TAFA1: variants seen among roughly 807,000 people sequenced by gnomAD.
TAFA1 encodes chemokine-like protein TAFA-1.
TAFA1 carries 4 observed loss-of-function variants against 18.5 expected under a neutral mutation model. The observed-to-expected ratio is 0.22, with a 90% CI of 0.11 to 0.49. The LOEUF (loss-of-function observed/expected upper bound fraction) is 0.49, where lower values mean the gene tolerates loss of function less well. TAFA1 is among the 20% of genes least tolerant of loss of function. TAFA1 has a pLI of 0.98. For missense variants in TAFA1, 147 were observed against 169.0 expected (o/e 0.87, Z 0.72); for synonymous variants, 56 against 55.2 (o/e 1.01, Z -0.06).
rs568261977 is a variant in TAFA1 at position 68,536,474 on chromosome 3, G to C, written c.260-2282G>C. ...TGGAGGGGAGTGAGTAAAGAACGAG[G>C]GTTCTCGTCCCGTGTAAAAACAGCC... On this transcript the variant is annotated intron_variant, in intron 3 of 4. Coordinates refer to ENST00000478136, the MANE Select transcript of TAFA1 (RefSeq NM_213609.4). 3.9e-5 allele frequency among the ~76,000 whole-genome samples: 6 copies of C among 152,254 alleles called. No homozygotes were observed. In the East Asian group the frequency reaches 1.2e-3, roughly 29 times the overall value.
At chr3:68,478,500 C>A (rs890134905) in intron 3 of TAFA1, among the ~76,000 whole-genome samples, 3 of 152,134 alleles carry the variant, frequency 2.0e-5, no homozygotes, top group African/African-American at 7.2e-5. Flanking sequence ...TATTTATTCA[C>A]CTTCCATAAG....
At chr3:68,176,118 C>T (rs139644776) in intron 2 of TAFA1, among the ~76,000 whole-genome samples, 18 of 152,318 alleles carry the variant, frequency 1.2e-4, no homozygotes, top group Admixed American at 1.1e-3. Context: ...ATTCATTGAA[C>T]CTTTTTTTCT....
intron 2 of TAFA1, among the ~76,000 whole-genome samples, chr3:68,076,436 T>A (rs1365485128): frequency 6.7e-6 from 1 of 150,172 alleles, no homozygotes; most frequent in Non-Finnish European, 1.5e-5. Context: ...TAGGTATATC[T>A]CCCAATGCTA....
rs930575985 is a variant in TAFA1 at position 68,544,921 on chromosome 3, T to C, written c.*418T>C. Reference sequence around the variant, plus strand: ...CCCTTTGAGTTTTGGATGTTTTGTCTGTTTTGCTTTGTTTTGTTAGTCATT... The same window carrying C: ...CCCTTTGAGTTTTGGATGTTTTGTCCGTTTTGCTTTGTTTTGTTAGTCATT... On this transcript the variant is annotated 3_prime_UTR_variant, in exon 5 of 5. Transcript: ENST00000478136. The C allele has an allele frequency of 5.9e-5, 9 of 152,294 alleles. No homozygotes were observed. The highest frequency in any genetic ancestry group is 2.2e-4 in the African/African-American group (9 of 41,556). 9.4% of individuals were successfully genotyped at this position (152,294 alleles called of 1,614,324 possible).
intron 2 of TAFA1, among the ~76,000 whole-genome samples, chr3:68,335,817 A>C (rs1345579422): frequency 6.6e-6 from 1 of 152,232 alleles, no homozygotes; most frequent in South Asian, 2.1e-4. Context: ...CCCTTAGAAA[A>C]GAAGAAAATC....
intron 3 of TAFA1, among the ~76,000 whole-genome samples, chr3:68,464,008 C>A (rs2071834941): frequency 6.6e-6 from 1 of 151,802 alleles, no homozygotes; most frequent in Non-Finnish European, 1.5e-5. Context: ...TTTATAGGAC[C>A]CTTTATAGAT....
intron 2 of TAFA1, among the ~76,000 whole-genome samples, chr3:68,279,561 A>G (rs2067860481): frequency 6.6e-6 from 1 of 152,184 alleles, no homozygotes; most frequent in Admixed American, 6.5e-5. Context: ...AATAATACAT[A>G]GTCACTACTA....
chr3:68,349,676 C>T (rs980969131), intron 2 of TAFA1, among the ~76,000 whole-genome samples: 4 of 152,030 alleles, frequency 2.6e-5, no homozygotes, highest in Non-Finnish European at 2.9e-5. Flanking sequence ...ACTCTGCCAT[C>T]GTGGGGAGAA....
chr3:68,001,189 G>C (rs555049004), upstream of TAFA1, among the ~76,000 whole-genome samples: 1 of 152,104 alleles, frequency 6.6e-6, no homozygotes, highest in Non-Finnish European at 1.5e-5. Context: ...CCTAAAAGGA[G>C]AATAAAGAAT....
intron 2 of TAFA1, among the ~76,000 whole-genome samples, chr3:68,129,402 C>A (rs920133381): frequency 4.6e-5 from 7 of 152,188 alleles, no homozygotes; most frequent in African/African-American, 1.7e-4. Context: ...GTTGGATGAA[C>A]TACTGCAAGA....
Position 68,220,941 on chromosome 3 carries a change from A to C in TAFA1, c.119-196339A>C, listed in dbSNP as rs189017404. ...CCTCTGAGGATTGGCTGTGATCTCCATCAAGACCTGGCTGAACTGGGTTGC... is the reference window on the plus strand; with the variant it reads ...CCTCTGAGGATTGGCTGTGATCTCCCTCAAGACCTGGCTGAACTGGGTTGC... On this transcript the variant is annotated intron_variant, in intron 2 of 4. Transcript: ENST00000478136. Among the ~76,000 whole-genome samples the C allele has an allele frequency of 1.7e-3, 266 of 152,198 alleles. 2 individuals are homozygous for C. Among genetic ancestry groups the C allele is most frequent in the African/African-American group, 6.2e-3 (256 of 41,544 alleles).
At chr3:68,314,795 A>G (rs1390187880) in intron 2 of TAFA1, among the ~76,000 whole-genome samples, 1 of 152,022 alleles carries the variant, frequency 6.6e-6, no homozygotes, top group Non-Finnish European at 1.5e-5. Flanking sequence ...AGGACGAAAA[A>G]GATCATAAAT....
chr3:68,005,113 T>G (rs528631263), intron 1 of TAFA1, among the ~76,000 whole-genome samples: 1 of 152,236 alleles, frequency 6.6e-6, no homozygotes, highest in South Asian at 2.1e-4. Context: ...GTCACCTCTG[T>G]TTTGTCTTTC....
chr3:68,342,372 G>A (rs2069099681), intron 2 of TAFA1, among the ~76,000 whole-genome samples: 1 of 152,190 alleles, frequency 6.6e-6, no homozygotes. Context: ...CTTCTGGGGA[G>A]TTTCTTTAAT....
chr3:68,093,677 C>T (rs1204012042), intron 2 of TAFA1, among the ~76,000 whole-genome samples: 1 of 151,972 alleles, frequency 6.6e-6, no homozygotes, highest in Non-Finnish European at 1.5e-5. Context: ...AGTTGCATTC[C>T]CCCAGAGCTA....
At chr3:68,220,891 A>T (rs547486799) in intron 2 of TAFA1, among the ~76,000 whole-genome samples, 1 of 152,116 alleles carries the variant, frequency 6.6e-6, no homozygotes, top group Non-Finnish European at 1.5e-5. Context: ...TCATCCTCAG[A>T]TTGTCCCCAC....
At chr3:68,438,679 C>G (rs1237497930) in intron 3 of TAFA1, among the ~76,000 whole-genome samples, 1 of 152,176 alleles carries the variant, frequency 6.6e-6, no homozygotes, top group African/African-American at 2.4e-5. Flanking sequence ...TGATAAGTCT[C>G]TGCCTTGCCC....
At chr3:68,241,172 C>T (rs1175387630) in intron 2 of TAFA1, among the ~76,000 whole-genome samples, 1 of 152,012 alleles carries the variant, frequency 6.6e-6, no homozygotes, top group Non-Finnish European at 1.5e-5. Flanking sequence ...CAAAATAGTA[C>T]TTATATTTTT....
intron 2 of TAFA1, among the ~76,000 whole-genome samples, chr3:68,278,070 T>C (rs2107249487): frequency 6.6e-6 from 1 of 152,248 alleles, no homozygotes; most frequent in Non-Finnish European, 1.5e-5. Context: ...GAAATAGAAT[T>C]GCCAGGTCAA....
Sources: gnomAD v4.1 joint callset for allele counts (sites outside exome capture counted in the v4.1 genomes callset) on GRCh38, gnomAD v4.1.1 for gene constraint, MANE v1.5 for transcripts, NCBI Gene and HGNC (gene_info 2026-07-23, HGNC 2026-07-21) for gene names.